AP1M2: variants seen among roughly 807,000 people sequenced by gnomAD.
The protein encoded by AP1M2 is adaptor related protein complex 1 subunit mu 2, also known as AP-1 complex subunit mu-2.
A neutral mutation model predicts 54.6 loss-of-function variants in AP1M2; 41 were observed. The observed-to-expected ratio is 0.75, with a 90% CI of 0.59 to 0.97. The LOEUF (loss-of-function observed/expected upper bound fraction) is 0.97, where lower values mean the gene tolerates loss of function less well. Ranked by LOEUF, AP1M2 falls within the 50% of genes least tolerant of loss-of-function variation. The pLI, the probability that AP1M2 is intolerant of heterozygous loss-of-function variation, is 0.00. For missense variants in AP1M2, 507 were observed against 561.2 expected, an observed-to-expected ratio of 0.90 and a Z score of 0.98; for synonymous variants, 219 against 215.9, an observed-to-expected ratio of 1.01 and a Z score of -0.13.
chr19:10,579,018 T>C (rs989487323), intron 7 of AP1M2, 55 bp from the exon 8 acceptor site: 59 of 1,079,110 alleles, frequency 5.5e-5, no homozygotes, highest in South Asian at 4.1e-4. Context: ...CTCTCTTCTT[T>C]TTTTTTTTTT....
intron 6 of AP1M2, 59 bp from the exon 7 acceptor site, chr19:10,579,917 C>T: frequency 6.7e-7 from 1 of 1,499,090 alleles, no homozygotes; most frequent in Non-Finnish European, 9.0e-7. Context: ...GATCCCTATC[C>T]CCACCTTTCC....
chr19:10,583,399 C>T (rs1343666309), intron 3 of AP1M2, among the ~76,000 whole-genome samples: 2 of 151,258 alleles, frequency 1.3e-5, no homozygotes, highest in Non-Finnish European at 2.9e-5. Context: ...CTTTGGGAGG[C>T]CAAGGCAGTA....
chr19:10,573,152 C>A (rs1363871333), intron 11 of AP1M2, 64 bp from the exon 12 acceptor site: 9 of 1,458,128 alleles, frequency 6.2e-6, no homozygotes, highest in Non-Finnish European at 8.5e-6. Context: ...GGCACGGTGA[C>A]TCACGCTTAT....
Position 10,572,801 on chromosome 19 carries a change from A to T in AP1M2, c.*265T>A, listed in dbSNP as rs7253965. The T allele has an allele frequency of 1.8e-5, 7 of 388,292 alleles. No homozygotes were observed. Among genetic ancestry groups the T allele is most frequent in the Non-Finnish European group, 2.8e-5 (6 of 213,382 alleles). 24.1% of individuals were successfully genotyped at this position (388,292 alleles called of 1,614,324 possible). A position where few individuals can be genotyped will look rare whatever the true frequency, so the allele number is the denominator to read the frequency against. On this transcript the variant is annotated 3_prime_UTR_variant, in exon 12 of 12. Transcript: ENST00000250244. ...TAATTGCAAGAAGGCACTCGCGAGG[A>T]GGACTTCAAGCCCCTCTTCTATTTC... is the stretch of plus-strand genomic sequence containing the variant.
chr19:10,587,228 A>G lies in AP1M2; in HGVS notation c.4T>C (p.Ser2Pro). 1 of 1,564,074 alleles carries G rather than the reference A, an allele frequency of 6.4e-7. No homozygotes were observed. The highest frequency in any genetic ancestry group is 8.7e-7 in the Non-Finnish European group (1 of 1,154,412). The change falls in exon 1 of 12, where the codon TCC becomes CCC. Residue 2 changes from serine (S) to proline (P), a missense_variant. Coordinates refer to ENST00000250244, the MANE Select transcript of AP1M2 (RefSeq NM_005498.5). M[S>P]ASAVFILDVK... is the part of the protein sequence containing the mutation. ...TCCAGAATGAAGACAGCCGAGGCGG[A>G]CATGGTGGCGGCCGAAGGACTTAGG...
rs568624927 is a variant in AP1M2, at chr19:10,576,505, G to A, written c.1047+693C>T. Among the ~76,000 whole-genome samples the A allele has an allele frequency of 2.6e-4, 40 of 151,886 alleles. No homozygotes were observed. The South Asian group carries it at 6.7e-3, about 25-fold the overall frequency. On this transcript the variant is annotated intron_variant, in intron 9 of 11. Transcript: ENST00000250244. Reference sequence around the variant, plus strand: ...TCTCGATCTCCTGACCTCGTGATCCGCCCACCTCGGCCTCCCAAAGTGCTG... The same window carrying A: ...TCTCGATCTCCTGACCTCGTGATCCACCCACCTCGGCCTCCCAAAGTGCTG...
At chr19:10,575,472 C>T (rs945987903) in intron 9 of AP1M2, among the ~76,000 whole-genome samples, 2 of 152,074 alleles carry the variant, frequency 1.3e-5, no homozygotes, top group African/African-American at 2.4e-5. Context: ...CTCTAGTAGC[C>T]AAGGGATGTG....
At chr19:10,584,934 A>C (rs74815317) in intron 1 of AP1M2, 9,769 of 151,810 alleles carry the variant, frequency 0.064, 336 homozygotes, top group Middle Eastern at 0.12. Flanking sequence ...ACAACAAAAA[A>C]AAAAAACAAA....
In AP1M2 at chr19:10,587,190, C is replaced by T; in HGVS notation, c.42G>A (p.Lys14=). The T allele has an allele frequency of 6.4e-7, 1 of 1,557,798 alleles. No homozygotes were observed. Among genetic ancestry groups the T allele is most frequent in the Non-Finnish European group, 8.7e-7 (1 of 1,150,588 alleles). ...CCCAACTCCTCATGCCCAGCCTCACCTTGCCCTTAACGTCCAGAATGAAGA... is the reference window on the plus strand; with the variant it reads ...CCCAACTCCTCATGCCCAGCCTCACTTTGCCCTTAACGTCCAGAATGAAGA... ...SAVFILDVKG[K]PLISRNYKGD... The change falls in exon 1 of 12, where the codon AAG becomes AAA. Residue 14 remains lysine (K), a splice_region_variant and synonymous_variant. Transcript: ENST00000250244.
chr19:10,577,489 A>G (rs1599548598), intron 8 of AP1M2, 133 bp from the exon 9 acceptor site: 3 of 953,672 alleles, frequency 3.1e-6, no homozygotes, highest in Non-Finnish European at 4.3e-6. Context: ...GCTGGAGTGC[A>G]GTGGCGCGAT....
rs1917607000 is a variant in AP1M2 at position 10,585,290 on chromosome 19, A to AAG, written c.43-1221_43-1220insCT. 4.8e-5 allele frequency among the ~76,000 whole-genome samples: 4 copies of AAG among 82,802 alleles called. No homozygotes were observed. In the South Asian group the frequency reaches 1.5e-3, roughly 30 times the overall value. The allele number at this position is 82,802 out of a possible 152,430, so 54.3% of individuals were successfully genotyped here. ...AAAGAAAGAAAGAAGAAAAAAAGAA[A>AAG]GAAAGAAAGAAAGAAAGAAAGAAAG... is the stretch of plus-strand genomic sequence containing the variant. On this transcript the variant is annotated intron_variant, in intron 1 of 11. Coordinates refer to ENST00000250244, the MANE Select transcript of AP1M2 (RefSeq NM_005498.5).
At chr19:10,575,995 G>A (rs1917218769) in intron 9 of AP1M2, among the ~76,000 whole-genome samples, 1 of 148,468 alleles carries the variant, frequency 6.7e-6, no homozygotes. Flanking sequence ...GGATGGTCTC[G>A]ATCTCCTGAC....
chr19:10,581,161 G>GTGTAGATCTCGGTGGTCGCCGTATCATTA, intron 6 of AP1M2, 105 bp downstream of exon 6: 1 of 1,457,088 alleles, frequency 6.9e-7, no homozygotes, highest in Admixed American at 2.3e-5. Context: ...GATGGTGAGC[G>GTGTAGATCTCGGTGGTCGCCGTATCATTA]AGCGCTTATT....
At chr19:10,577,497 G>C in intron 8 of AP1M2, 141 bp from the exon 9 acceptor site, 1 of 889,296 alleles carries the variant, frequency 1.1e-6, no homozygotes, top group Admixed American at 3.6e-5. Context: ...GCAGTGGCGC[G>C]ATCTCGGCTG....
chr19:10,585,302 A>AAGGAAGGAAG (rs1491400886), intron 1 of AP1M2, among the ~76,000 whole-genome samples: 4 of 65,938 alleles, frequency 6.1e-5, no homozygotes, highest in Non-Finnish European at 1.8e-4. Flanking sequence ...AAAGAAAGAA[A>AAGGAAGGAAG]GAAAGAAAGA....
intron 6 of AP1M2, 36 bp from the exon 7 acceptor site, chr19:10,579,894 G>A (rs1262634358): frequency 6.4e-7 from 1 of 1,554,742 alleles, no homozygotes; most frequent in East Asian, 2.4e-5. Flanking sequence ...AGTGACCCTG[G>A]GAACCAGGAA....
chr19:10,573,614 C>T (rs1917127475), intron 11 of AP1M2, among the ~76,000 whole-genome samples: 1 of 151,026 alleles, frequency 6.6e-6, no homozygotes, highest in Non-Finnish European at 1.5e-5. Context: ...TCCAAACTCG[C>T]GACCACCCTA....
chr19:10,579,015 C>CTTTTTTTTTTTTTTTTTTT, intron 7 of AP1M2, 52 bp from the exon 8 acceptor site: 1 of 742,754 alleles, frequency 1.3e-6, no homozygotes, highest in Non-Finnish European at 2.0e-6. Context: ...TGACTCTCTT[C>CTTTTTTTTTTTTTTTTTTT]TTTTTTTTTT....
rs1467123149 is a variant in AP1M2 at position 10,574,971 on chromosome 19, T to A, written c.1106A>T (p.Glu369Val). The change falls in exon 10 of 12, where the codon GAG becomes GTG. Residue 369 changes from glutamate to valine, a missense_variant. By Grantham distance (121) the Glu-to-Val change is moderately radical. Transcript: ENST00000250244. Reference protein sequence around the residue: ...HFGLPSVEKEEVEGRPPIGVK... With the variant: ...HFGLPSVEKEVVEGRPPIGVK... ...CCCGATGGGGGGCCGGCCCTCCACC[T>A]CTTCCTTTTCCACACTGGGGAGGCC... The A allele has an allele frequency of 6.3e-7, 1 of 1,580,854 alleles. No individual in the cohort carries two copies. The highest frequency in any genetic ancestry group is 8.6e-7 in the Non-Finnish European group (1 of 1,162,116).
Sources: gnomAD v4.1 joint callset for allele counts (sites outside exome capture counted in the v4.1 genomes callset) on GRCh38, gnomAD v4.1.1 for gene constraint, MANE v1.5 for transcripts, NCBI Gene and HGNC (gene_info 2026-07-23, HGNC 2026-07-21) for gene names.